The following NEB variants were observed in gnomAD, a reference collection of about 807,000 sequenced individuals.
NEB encodes the protein nebulin, also known as nemaline myopathy type 2.
Under a neutral mutation model 952.2 loss-of-function variants are expected in NEB, and 512 were observed. That is an observed-to-expected ratio of 0.54 (90% CI 0.50 to 0.58). The LOEUF (loss-of-function observed/expected upper bound fraction) is 0.58. NEB is among the 20% of genes least tolerant of loss of function. The pLI is 0.00. For synonymous variants in NEB, 2,900 were observed against 3,149.8 expected (o/e 0.92, Z 2.66); for missense variants, 8,428 against 9,231.1 (o/e 0.91, Z 3.56).
chr2:151,688,949 T>C (rs2099524158), intron 24 of NEB, among the ~76,000 whole-genome samples: 1 of 152,138 alleles, frequency 6.6e-6, no homozygotes, highest in Non-Finnish European at 1.5e-5. Flanking sequence ...CTTCATATTT[T>C]CAGGCCATGG....
Position 151,709,640 on chromosome 2 carries a change from G to C in NEB, c.1035+16C>G. 1.9e-6 allele frequency: 3 copies of C among 1,550,164 alleles called. No homozygotes were observed. Among genetic ancestry groups the C allele is most frequent in the Non-Finnish European group, 2.6e-6 (3 of 1,136,540 alleles). ...ACACTCAAACCATCAAGATAAATGGGATGATTTCCTCATACCTTGCTAGCT... is the reference window on the plus strand; with the variant it reads ...ACACTCAAACCATCAAGATAAATGGCATGATTTCCTCATACCTTGCTAGCT... On this transcript the variant is annotated intron_variant, in intron 12 of 181. Transcript: ENST00000397345.
In NEB at chr2:151,672,397, G is replaced by C. The variant is rs372694084; in HGVS notation, c.4271C>G (p.Thr1424Arg). Residue 1424 changes from threonine (T) to arginine (R), a missense_variant, in exon 37 of 182, where the codon ACG becomes AGG. This residue lies in a region of NEB where 2,851 missense variants were observed against 2,791.5 expected (regional missense o/e 1.02). Transcript: ENST00000397345. Reference protein sequence around the residue: ...YLPDAMSLEHTRNVNQIQSDN... With the variant: ...YLPDAMSLEHRRNVNQIQSDN... ...ACTCTGAATTTGATTGACATTCCTC[G>C]TATGCTCAAGACTCATGGCGTCAGG... 2 of 1,605,428 alleles carry C rather than the reference G, an allele frequency of 1.2e-6. No homozygotes were observed. Among genetic ancestry groups the C allele is most frequent in the African/African-American group, 2.7e-5 (2 of 74,846 alleles).
intron 84 of NEB, among the ~76,000 whole-genome samples, chr2:151,605,418 C>T (rs145364438): frequency 0.17 from 17,891 of 102,676 alleles, 2,273 homozygotes; most frequent in African/African-American, 0.29. Flanking sequence ...AGAGGTCATA[C>T]GTGTGTGGTT....
At chr2:151,536,530 G>T (rs1454265533) in intron 141 of NEB, among the ~76,000 whole-genome samples, 3 of 152,124 alleles carry the variant, frequency 2.0e-5, no homozygotes, top group Non-Finnish European at 2.9e-5. Flanking sequence ...GACCCAGCTA[G>T]CATGCCACCT....
In NEB at chr2:151,548,897, G is replaced by A. The variant is rs570533384; in HGVS notation, c.20050-482C>T. On this transcript the variant is annotated intron_variant, in intron 130 of 181. Transcript: ENST00000397345. ...TTATTGGGTCCTTTCTGGCCACTAG[G>A]TTTGATTCCCAGGAATATGAAGGGT... Among the ~76,000 whole-genome samples the A allele has an allele frequency of 1.2e-4, 19 of 152,280 alleles. No individual in the cohort carries two copies. The South Asian group carries it at 3.9e-3, about 32-fold the overall frequency.
In NEB at chr2:151,526,001, C is replaced by T. The variant is rs763323693; in HGVS notation, c.22118G>A (p.Arg7373Gln). The T allele has an allele frequency of 1.9e-6, 3 of 1,613,832 alleles. No individual in the cohort carries two copies. Among genetic ancestry groups the T allele is most frequent in the African/African-American group, 1.3e-5 (1 of 74,904 alleles). ...CACTTCCTTGACGTGAACAGTGTCCCGGGTCTCTGGTAGTGTTGTGTATGA... is the reference window on the plus strand; with the variant it reads ...CACTTCCTTGACGTGAACAGTGTCCTGGGTCTCTGGTAGTGTTGTGTATGA... ...QGSYTTLPET[R>Q]DTVHVKEVTK... The change falls in exon 150 of 182, where the codon CGG becomes CAG. Residue 7373 changes from arginine (R) to glutamine (Q), a missense_variant. Physicochemically the swap from Arg to Gln is conservative, Grantham distance 43. Around this residue, in one of 11 missense-constraint regions of NEB, gnomAD observed 3,374 missense variants for 3,651.5 expected, o/e 0.92. Coordinates refer to ENST00000397345, the MANE Select transcript of NEB (RefSeq NM_001164508.2).
Position 151,644,041 on chromosome 2 carries a change from A to G in NEB, c.7733T>C (p.Met2578Thr), listed in dbSNP as rs976788462. The change falls in exon 57 of 182, where the codon ATG becomes ACG. Residue 2578 changes from methionine to threonine, a missense_variant. Physicochemically the swap from Met to Thr is moderately conservative, Grantham distance 81 (BLOSUM62 -1). Transcript: ENST00000397345. ...IEDDPKMMWSMHVAKIQSDRE... is the reference protein window; with the variant it reads ...IEDDPKMMWSTHVAKIQSDRE... The stretch of plus-strand genomic sequence containing the variant: ...GTCACTCTGGATCTTGGCCACATGC[A>G]TGGACCACATCATCTTGGGGTCATC... 8 of 1,613,834 alleles carry G rather than the reference A, an allele frequency of 5.0e-6. No individual in the cohort carries two copies. The highest frequency in any genetic ancestry group is 4.2e-6 in the Non-Finnish European group (5 of 1,179,888).
At chr2:151,499,229 T>TA in intron 169 of NEB, 69 bp downstream of exon 169, 1 of 842,610 alleles carries the variant, frequency 1.2e-6, no homozygotes, top group Middle Eastern at 3.6e-4. Flanking sequence ...ATTAGATTTT[T>TA]AAAATCTAGC....
At chr2:151,614,703 A>G (rs143913273) in intron 76 of NEB, 116 bp from the exon 77 acceptor site, 1 of 1,227,022 alleles carries the variant, frequency 8.1e-7, no homozygotes, top group African/African-American at 1.5e-5. Flanking sequence ...GAAGGAGAAA[A>G]GTGAGTATCA....
At chr2:151,683,410 A>G (rs2099444960) in intron 28 of NEB, among the ~76,000 whole-genome samples, 1 of 152,208 alleles carries the variant, frequency 6.6e-6, no homozygotes, top group Non-Finnish European at 1.5e-5. Context: ...TTGTCTGACC[A>G]TAGGTGGTAC....
At chr2:151,692,021 T>A in intron 22 of NEB, 38 bp downstream of exon 22, 2 of 1,609,140 alleles carry the variant, frequency 1.2e-6, no homozygotes, top group Admixed American at 1.7e-5. Context: ...TCTCAAACAA[T>A]GTCACTGTGA....
intron 171 of NEB, chr2:151,497,385 C>CATT: frequency 2.0e-6 from 2 of 979,178 alleles, no homozygotes; most frequent in South Asian, 4.7e-5. Context: ...CTGAAAAACT[C>CATT]ATTATTTTAA....
At chr2:151,718,621 C>T (rs1336353964) in intron 9 of NEB, among the ~76,000 whole-genome samples, 1 of 152,148 alleles carries the variant, frequency 6.6e-6, no homozygotes, top group Non-Finnish European at 1.5e-5. Flanking sequence ...GGAGAAACAT[C>T]CTTCAGAGGG....
At position 151,655,382 on chromosome 2, in the gene NEB, G is replaced by A; in HGVS notation, c.6703-8C>T. 1 of 1,495,110 alleles carries A rather than the reference G, an allele frequency of 6.7e-7. No homozygotes were observed. The highest frequency in any genetic ancestry group is 9.1e-7 in the Non-Finnish European group (1 of 1,095,210). 92.6% of individuals were successfully genotyped at this position (1,495,110 alleles called of 1,614,324 possible). The stretch of plus-strand genomic sequence containing the variant: ...ATCAATGGTGTATAAATGCTAGGAA[G>A]TGGGAAAAAAAGACATGAAATTTGA... On this transcript the variant is annotated splice_region_variant and splice_polypyrimidine_tract_variant and intron_variant, in intron 50 of 181. Transcript: ENST00000397345.
At chr2:151,498,378 C>CA (rs201683981) in intron 169 of NEB, 26 bp from the exon 170 acceptor site, 4 of 1,472,694 alleles carry the variant, frequency 2.7e-6, no homozygotes, top group African/African-American at 1.4e-5. Context: ...GCATCCAGAA[C>CA]AAAAAAAGCA....
At chr2:151,675,759 A>G (rs925408134) in intron 34 of NEB, among the ~76,000 whole-genome samples, 6 of 150,856 alleles carry the variant, frequency 4.0e-5, no homozygotes, top group African/African-American at 9.9e-5. Flanking sequence ...TTTTATCCCT[A>G]GAGAGAAAGT....
At chr2:151,519,901 G>A in intron 153 of NEB, 133 bp from the exon 154 acceptor site, 2 of 590,474 alleles carry the variant, frequency 3.4e-6, no homozygotes, top group South Asian at 2.4e-5. Context: ...ATCCAAACTG[G>A]GACATTTAGA....
At chr2:151,561,591 T>G (rs2096062566) in intron 121 of NEB, among the ~76,000 whole-genome samples, 2 of 151,152 alleles carry the variant, frequency 1.3e-5, no homozygotes, top group Admixed American at 6.6e-5. Flanking sequence ...TTTTTTGGTT[T>G]CGAACACTTT....
Position 151,526,244 on chromosome 2 carries a change from G to A in NEB, c.21964C>T (p.His7322Tyr), listed in dbSNP as rs2085752615. The change falls in exon 149 of 182, where the codon CAT becomes TAT. Residue 7322 changes from histidine to tyrosine, a missense_variant. This residue lies in a region of NEB where 3,374 missense variants were observed against 3,651.5 expected (regional missense o/e 0.92). Transcript: ENST00000397345. ...IESDLKYKEK[H>Y]VKERGTCHAV... ...TGGCAGGTTCCTCTTTCCTTGACAT[G>A]TTTCTCTTTGTATTTCAGCTTCAGG... 1 of 1,611,666 alleles carries A rather than the reference G, an allele frequency of 6.2e-7. No homozygotes were observed. Among genetic ancestry groups the A allele is most frequent in the South Asian group, 1.1e-5 (1 of 90,818 alleles).
Sources: allele counts gnomAD v4.1 joint callset (sites outside exome capture counted in the v4.1 genomes callset), GRCh38; gene constraint gnomAD v4.1.1; regional missense constraint gnomAD v4.1.1; transcripts MANE v1.5; gene names NCBI Gene and HGNC (gene_info 2026-07-23, HGNC 2026-07-21).